Variants in PAIP2 observed in about 807,000 individuals in gnomAD.
PAIP2 encodes poly(A) binding protein interacting protein 2.
Under a neutral mutation model 14.8 loss-of-function variants are expected in PAIP2, and 7 were observed. The observed-to-expected ratio is 0.47, with a 90% confidence interval of 0.27 to 0.89. The LOEUF (loss-of-function observed/expected upper bound fraction) is 0.89. Ranked by LOEUF, PAIP2 falls within the 40% of genes least tolerant of loss-of-function variation. PAIP2 has a pLI of 0.13. For synonymous variants in PAIP2, 47 were observed against 45.3 expected (o/e 1.04, Z -0.15); for missense variants, 122 against 154.7 (o/e 0.79, Z 1.12).
At chr5:139,344,905 G>C (rs1441742490) in intron 1 of PAIP2, among the ~76,000 whole-genome samples, 1 of 151,896 alleles carries the variant, frequency 6.6e-6, no homozygotes, top group African/African-American at 2.4e-5. Context: ...CAATTGTTAT[G>C]TGCTAGGTTC....
At chr5:139,360,646 C>G (rs1188062604) in intron 1 of PAIP2, among the ~76,000 whole-genome samples, 1 of 152,112 alleles carries the variant, frequency 6.6e-6, no homozygotes, top group African/African-American at 2.4e-5. Context: ...GCGTGCACCA[C>G]TGTACCCAGC....
chr5:139,351,091 T>A (rs555393419), intron 1 of PAIP2, among the ~76,000 whole-genome samples: 54 of 152,334 alleles, frequency 3.5e-4, no homozygotes, highest in Non-Finnish European at 5.9e-5. Context: ...ATGTCATTTT[T>A]AGCTCATCTG....
chr5:139,363,057 G>A (rs764185552), intron 1 of PAIP2, among the ~76,000 whole-genome samples: 4 of 151,828 alleles, frequency 2.6e-5, no homozygotes, highest in Non-Finnish European at 5.9e-5. Context: ...CCTGGCCAAC[G>A]TGGCGAAACT....
chr5:139,342,847 C>T (rs1756424202), intron 1 of PAIP2: 1 of 151,940 alleles, frequency 6.6e-6, no homozygotes, highest in East Asian at 1.9e-4. Context: ...TTTCTTTTTT[C>T]CCTGATTTGG....
chr5:139,364,011 T>G, intron 2 of PAIP2, 89 bp downstream of exon 2: 1 of 1,163,334 alleles, frequency 8.6e-7, no homozygotes, highest in Non-Finnish European at 1.3e-6. Context: ...ATCTTGTCCT[T>G]TATGTATAAA....
chr5:139,364,883 G>A lies in PAIP2; in HGVS notation c.318+140G>A, dbSNP rs1034383448. 1.7e-5 allele frequency: 10 copies of A among 592,306 alleles called. No individual in the cohort carries two copies. The South Asian group carries it at 1.9e-4, about 11-fold the overall frequency. The allele number at this position is 592,306 out of a possible 1,614,324, so 36.7% of individuals were successfully genotyped here. A position where few individuals can be genotyped will look rare whatever the true frequency, so the allele number is the denominator to read the frequency against. On this transcript the variant is annotated intron_variant, in intron 3 of 3. Coordinates refer to ENST00000265192, the MANE Select transcript of PAIP2 (RefSeq NM_016480.5). ...GCTTCTGGCCGGGCATGTGGCTCAC[G>A]CCTGTAATCCCAGCACTTTGGGAGG... is the stretch of plus-strand genomic sequence containing the variant.
chr5:139,356,814 G>A (rs565509735), intron 1 of PAIP2, among the ~76,000 whole-genome samples: 36 of 151,488 alleles, frequency 2.4e-4, no homozygotes, highest in African/African-American at 8.5e-4. Flanking sequence ...TTGAACCCGG[G>A]AGGTGGAGGT....
intron 1 of PAIP2, among the ~76,000 whole-genome samples, chr5:139,346,470 C>A (rs1756552729): frequency 6.6e-6 from 1 of 151,918 alleles, no homozygotes; most frequent in Non-Finnish European, 1.5e-5. Flanking sequence ...ATCTCTTGAC[C>A]TCATGATCCA....
chr5:139,368,026 C>T (rs546780359), intron 3 of PAIP2, among the ~76,000 whole-genome samples: 1 of 152,030 alleles, frequency 6.6e-6, no homozygotes, highest in African/African-American at 2.4e-5. Flanking sequence ...TGGTGAAACC[C>T]CTTCTCTACT....
chr5:139,354,392 T>C lies in PAIP2; in HGVS notation c.-26-9367T>C, dbSNP rs754677811. Among the ~76,000 whole-genome samples, 20 of 152,320 alleles carry C rather than the reference T, an allele frequency of 1.3e-4. 1 individual carries two copies. Among genetic ancestry groups the C allele is most frequent in the Non-Finnish European group, 2.5e-4 (17 of 68,026 alleles). ...GGTGAGAAATCAGCTGTTAATCTTA[T>C]TGAGGATCCCTTGTATGTAATGAGT... On this transcript the variant is annotated intron_variant, in intron 1 of 3. Coordinates refer to ENST00000265192, the MANE Select transcript of PAIP2 (RefSeq NM_016480.5).
intron 1 of PAIP2, among the ~76,000 whole-genome samples, chr5:139,363,510 C>A (rs1757132189): frequency 1.3e-5 from 2 of 151,934 alleles, no homozygotes; most frequent in Non-Finnish European, 2.9e-5. Context: ...CACTTGAGCC[C>A]AGAAATTTGA....
intron 1 of PAIP2, among the ~76,000 whole-genome samples, chr5:139,356,065 G>A (rs1331735910): frequency 6.6e-6 from 1 of 152,056 alleles, no homozygotes; most frequent in African/African-American, 2.4e-5. Flanking sequence ...TTGAACCCAG[G>A]AGGCAGAAAT....
intron 1 of PAIP2, chr5:139,342,672 C>G (rs769988257): frequency 1.3e-5 from 2 of 152,142 alleles, no homozygotes; most frequent in African/African-American, 4.8e-5. Context: ...TTAAGGTCCT[C>G]TTACCTTTTA....
chr5:139,349,636 C>T (rs192057890), intron 1 of PAIP2, among the ~76,000 whole-genome samples: 3 of 152,198 alleles, frequency 2.0e-5, no homozygotes, highest in East Asian at 1.9e-4. Flanking sequence ...GTTAATAGAA[C>T]ATTTGAAAAA....
At chr5:139,354,513 G>C (rs1432877882) in intron 1 of PAIP2, among the ~76,000 whole-genome samples, 1 of 152,068 alleles carries the variant, frequency 6.6e-6, no homozygotes, top group Non-Finnish European at 1.5e-5. Context: ...ATCCTACTTT[G>C]GGTTAATTGA....
At chr5:139,363,990 G>A in intron 2 of PAIP2, 68 bp downstream of exon 2, 2 of 1,362,342 alleles carry the variant, frequency 1.5e-6, no homozygotes, top group East Asian at 2.3e-5. Context: ...ACTTGTCCCT[G>A]AAATGTGTTT....
chr5:139,364,811 C>T, intron 3 of PAIP2, 68 bp downstream of exon 3: 1 of 1,045,702 alleles, frequency 9.6e-7, no homozygotes. Flanking sequence ...AGCCAGCTCC[C>T]ATCTATTTAA....
chr5:139,348,784 TCTC>T lies in PAIP2; in HGVS notation c.-27+6807_-27+6809del, dbSNP rs1345987425. On this transcript the variant is annotated intron_variant, in intron 1 of 3. Coordinates refer to ENST00000265192, the MANE Select transcript of PAIP2 (RefSeq NM_016480.5). The stretch of plus-strand genomic sequence containing the variant: ...CCTCTGCCTCCCAGGTTCAAGCAAT[TCTC>T]CTGCCTCAGCCTCCCCAGTAGCTGG... Among the ~76,000 whole-genome samples, 4 of 151,706 alleles carry T rather than the reference TCTC, an allele frequency of 2.6e-5. No individual in the cohort carries two copies. The East Asian group carries it at 7.7e-4, about 29-fold the overall frequency.
chr5:139,362,472 G>A (rs1456527906), intron 1 of PAIP2, among the ~76,000 whole-genome samples: 2 of 146,542 alleles, frequency 1.4e-5, no homozygotes, highest in Admixed American at 6.9e-5. Context: ...GTGCAACGGC[G>A]CAATCTTGGC....
Sources: allele counts gnomAD v4.1 joint callset (sites outside exome capture counted in the v4.1 genomes callset), GRCh38; gene constraint gnomAD v4.1.1; transcripts MANE v1.5; gene names NCBI Gene and HGNC (gene_info 2026-07-23, HGNC 2026-07-21).